The following CENPP variants were observed in gnomAD, a reference collection of about 807,000 sequenced individuals.
The protein encoded by CENPP is centromere protein P.
Under a neutral mutation model 35.6 loss-of-function variants are expected in CENPP, and 24 were observed. The ratio of observed to expected loss-of-function variants is 0.67; its 90% CI spans 0.49 to 0.95. The LOEUF (loss-of-function observed/expected upper bound fraction) is 0.95. CENPP is among the 40% of genes least tolerant of loss of function. The pLI, the probability that CENPP is intolerant of heterozygous loss-of-function variation, is 0.00. For synonymous variants in CENPP, 120 were observed against 125.5 expected (o/e 0.96, Z 0.29); for missense variants, 332 against 345.3 (o/e 0.96, Z 0.31).
intron 5 of CENPP, chr9:92,385,914 A>C (rs955673332): frequency 1.2e-6 from 1 of 854,686 alleles, no homozygotes; most frequent in Non-Finnish European, 1.8e-6. Flanking sequence ...CCTTGTGTCA[A>C]ATTAATTAGG....
chr9:92,508,749 TC>T (rs1847159260), intron 5 of CENPP, among the ~76,000 whole-genome samples: 1 of 152,342 alleles, frequency 6.6e-6, no homozygotes, highest in East Asian at 1.9e-4. Context: ...TTATTATTGT[TC>T]TTTTCTCAAT....
In CENPP at chr9:92,613,165, C is replaced by T. The variant is rs369789817; in HGVS notation, c.*16C>T. 54 of 1,613,866 alleles carry T rather than the reference C, an allele frequency of 3.3e-5. No homozygotes were observed. Among genetic ancestry groups the T allele is most frequent in the Non-Finnish European group, 4.2e-5 (49 of 1,179,942 alleles). On this transcript the variant is annotated 3_prime_UTR_variant, in exon 8 of 8. Coordinates refer to ENST00000375587, the MANE Select transcript of CENPP (RefSeq NM_001012267.3). The stretch of plus-strand genomic sequence containing the variant: ...GAACAACTAGTTCCAAAACAGTGAA[C>T]GTGGAGGATGAAGATGCTGCGTGGA...
chr9:92,506,348 C>T (rs115188861), intron 5 of CENPP, among the ~76,000 whole-genome samples: 297 of 152,292 alleles, frequency 2.0e-3, no homozygotes, highest in African/African-American at 6.8e-3. Flanking sequence ...TCCATGCATT[C>T]AGATTGAACT....
At chr9:92,482,322 T>C (rs370726036) in intron 5 of CENPP, 10 of 152,162 alleles carry the variant, frequency 6.6e-5, no homozygotes, top group African/African-American at 2.2e-4. Context: ...CTCCTAAAAG[T>C]AGAAGTTATC....
intron 5 of CENPP, among the ~76,000 whole-genome samples, chr9:92,406,133 G>C (rs902690409): frequency 3.3e-5 from 5 of 152,174 alleles, no homozygotes; most frequent in African/African-American, 1.2e-4. Flanking sequence ...AAGCGCAGGT[G>C]ATGAGGTATT....
intron 4 of CENPP, among the ~76,000 whole-genome samples, chr9:92,375,433 C>T (rs1451816623): frequency 4.6e-5 from 7 of 152,008 alleles, no homozygotes; most frequent in Admixed American, 2.0e-4. Context: ...GCTGGGATTA[C>T]AGGCACACAC....
At chr9:92,356,904 A>G (rs1249055312) in intron 4 of CENPP, among the ~76,000 whole-genome samples, 3 of 152,210 alleles carry the variant, frequency 2.0e-5, no homozygotes, top group African/African-American at 4.8e-5. Context: ...CTGACTTCCT[A>G]CAACAGTCCC....
intron 5 of CENPP, chr9:92,393,085 C>T (rs777349630): frequency 2.5e-6 from 4 of 1,611,936 alleles, no homozygotes; most frequent in South Asian, 1.1e-5. Flanking sequence ...GCTTAACTTA[C>T]GTATGTCTGC....
rs532867777 is a variant in CENPP at position 92,540,599 on chromosome 9, C to T, written c.565-70715C>T. Reference sequence around the variant, plus strand: ...CAGCCTGGCCAACATAGTGAAACCCCGTCTCTACTAAAAATACAAAAATTA... The same window carrying T: ...CAGCCTGGCCAACATAGTGAAACCCTGTCTCTACTAAAAATACAAAAATTA... On this transcript the variant is annotated intron_variant, in intron 5 of 7. Coordinates refer to ENST00000375587, the MANE Select transcript of CENPP (RefSeq NM_001012267.3). Among the ~76,000 whole-genome samples the T allele has an allele frequency of 4.0e-5, 6 of 150,914 alleles. No homozygotes were observed. In the South Asian group the frequency reaches 1.1e-3, roughly 26 times the overall value.
intron 4 of CENPP, among the ~76,000 whole-genome samples, chr9:92,357,098 G>A (rs925709812): frequency 6.6e-6 from 1 of 152,110 alleles, no homozygotes; most frequent in Non-Finnish European, 1.5e-5. Flanking sequence ...GTATTAGTCT[G>A]TAAAATCATG....
intron 4 of CENPP, among the ~76,000 whole-genome samples, chr9:92,355,061 G>T (rs974722659): frequency 6.6e-6 from 1 of 152,164 alleles, no homozygotes; most frequent in African/African-American, 2.4e-5. Context: ...ACTGATAAGG[G>T]TCCATGTTCA....
intron 5 of CENPP, among the ~76,000 whole-genome samples, chr9:92,608,220 G>A (rs1205399275): frequency 6.6e-6 from 1 of 152,174 alleles, no homozygotes; most frequent in Non-Finnish European, 1.5e-5. Context: ...AGAGCCACGG[G>A]TCCAAGAATG....
chr9:92,499,019 A>T (rs1846519720), intron 5 of CENPP, among the ~76,000 whole-genome samples: 1 of 152,202 alleles, frequency 6.6e-6, no homozygotes, highest in Admixed American at 6.5e-5. Flanking sequence ...GGGCTTCTCA[A>T]TACTATTCCC....
chr9:92,600,700 C>T (rs1193376887), intron 5 of CENPP, among the ~76,000 whole-genome samples: 1 of 152,246 alleles, frequency 6.6e-6, no homozygotes, highest in East Asian at 1.9e-4. Flanking sequence ...GACATTCCAG[C>T]TCTCCCAGGT....
intron 5 of CENPP, among the ~76,000 whole-genome samples, chr9:92,390,520 G>A (rs1483061128): frequency 1.3e-5 from 2 of 152,038 alleles, no homozygotes; most frequent in Non-Finnish European, 2.9e-5. Context: ...AGACAAAGAT[G>A]TTCCCTGATT....
At chr9:92,448,678 G>A (rs1230421196) in intron 5 of CENPP, among the ~76,000 whole-genome samples, 2 of 152,060 alleles carry the variant, frequency 1.3e-5, no homozygotes, top group Non-Finnish European at 2.9e-5. Flanking sequence ...GGAAGGTCCA[G>A]GTGAAGCCGT....
At chr9:92,519,286 T>C (rs1205036924) in intron 5 of CENPP, among the ~76,000 whole-genome samples, 5 of 152,238 alleles carry the variant, frequency 3.3e-5, no homozygotes, top group Admixed American at 2.0e-4. Context: ...AAAATTTCCA[T>C]GGCCTTTTTT....
rs1376310006 is a variant in CENPP, at chr9:92,619,213, A to T, written c.*6064A>T. The T allele has an allele frequency of 2.5e-6, 1 of 396,398 alleles. No homozygotes were observed. Among genetic ancestry groups the T allele is most frequent in the Non-Finnish European group, 4.7e-6 (1 of 212,818 alleles). 24.6% of individuals were successfully genotyped at this position (396,398 alleles called of 1,614,324 possible). ...CAGCTCACTGTCCACATTGTTTCTGAGCTCTTGGGAGTATTTTCTTAGAAA... is the reference window on the plus strand; with the variant it reads ...CAGCTCACTGTCCACATTGTTTCTGTGCTCTTGGGAGTATTTTCTTAGAAA... On this transcript the variant is annotated 3_prime_UTR_variant, in exon 8 of 8. Coordinates refer to ENST00000375587, the MANE Select transcript of CENPP (RefSeq NM_001012267.3).
chr9:92,606,467 G>C (rs1470705231), intron 5 of CENPP, among the ~76,000 whole-genome samples: 1 of 152,158 alleles, frequency 6.6e-6, no homozygotes, highest in African/African-American at 2.4e-5. Flanking sequence ...CTGTGAAACA[G>C]TTTGGCAACT....
Sources: allele counts gnomAD v4.1 joint callset (sites outside exome capture counted in the v4.1 genomes callset), GRCh38; gene constraint gnomAD v4.1.1; transcripts MANE v1.5; gene names NCBI Gene and HGNC (gene_info 2026-07-23, HGNC 2026-07-21).